NYAP2: variants seen among roughly 807,000 people sequenced by gnomAD.
NYAP2 encodes the protein neuronal tyrosine-phosphorylated phosphoinositide-3-kinase adaptor 2.
NYAP2 carries 23 observed loss-of-function variants against 50.4 expected under a neutral mutation model. The ratio of observed to expected loss-of-function variants is 0.46; its 90% CI spans 0.33 to 0.65. The LOEUF (loss-of-function observed/expected upper bound fraction) is 0.65, where lower values mean the gene tolerates loss of function less well. NYAP2 is among the 30% of genes least tolerant of loss of function. NYAP2 has a pLI of 0.02. For missense variants in NYAP2, 885 were observed against 861.0 expected (o/e 1.03, Z -0.35); for synonymous variants, 394 against 365.2 (o/e 1.08, Z -0.90).
At chr2:225,607,162 A>G (rs1440206162) in intron 5 of NYAP2, among the ~76,000 whole-genome samples, 1 of 151,964 alleles carries the variant, frequency 6.6e-6, no homozygotes, top group Admixed American at 6.6e-5. Context: ...CCTTTCATTT[A>G]TTTTTTCCCC....
At chr2:225,628,154 C>T (rs1244777006) in intron 6 of NYAP2, among the ~76,000 whole-genome samples, 1 of 152,042 alleles carries the variant, frequency 6.6e-6, no homozygotes, top group Non-Finnish European at 1.5e-5. Context: ...AGAGCCATAG[C>T]ACATATGTGG....
At chr2:225,495,149 T>G (rs1184240317) in intron 3 of NYAP2, among the ~76,000 whole-genome samples, 5 of 152,188 alleles carry the variant, frequency 3.3e-5, no homozygotes, top group African/African-American at 1.2e-4. Flanking sequence ...CTCAGAACCA[T>G]GTTGAGACCT....
At chr2:225,531,524 G>T (rs542729602) in intron 4 of NYAP2, among the ~76,000 whole-genome samples, 2 of 152,048 alleles carry the variant, frequency 1.3e-5, no homozygotes, top group African/African-American at 4.8e-5. Flanking sequence ...TCCTTTTGTC[G>T]TTGTACCTTT....
intron 3 of NYAP2, among the ~76,000 whole-genome samples, chr2:225,474,921 A>T (rs1244231279): frequency 6.6e-6 from 1 of 152,156 alleles, no homozygotes; most frequent in Non-Finnish European, 1.5e-5. Context: ...CTGTTACAGA[A>T]GTTTGTTATT....
intron 3 of NYAP2, among the ~76,000 whole-genome samples, chr2:225,489,573 T>C (rs1690368571): frequency 6.6e-6 from 1 of 152,198 alleles, no homozygotes; most frequent in Non-Finnish European, 1.5e-5. Context: ...TTTCCTTTCT[T>C]ACTAAAAGTC....
chr2:225,407,146 A>G (rs1694955103), intron 2 of NYAP2, among the ~76,000 whole-genome samples: 1 of 152,032 alleles, frequency 6.6e-6, no homozygotes, highest in Non-Finnish European at 1.5e-5. Context: ...AGTCCTTGGT[A>G]GAAGTGAATT....
At chr2:225,477,080 A>G (rs1690126009) in intron 3 of NYAP2, among the ~76,000 whole-genome samples, 1 of 152,172 alleles carries the variant, frequency 6.6e-6, no homozygotes, top group African/African-American at 2.4e-5. Context: ...TACACATCAT[A>G]TCCAGCACTT....
chr2:225,523,939 A>G (rs1204194972), intron 4 of NYAP2, among the ~76,000 whole-genome samples: 1 of 152,228 alleles, frequency 6.6e-6, no homozygotes, highest in Non-Finnish European at 1.5e-5. Context: ...CAAAGTTAAC[A>G]AAAATGTACA....
chr2:225,447,053 G>A (rs528286675), intron 3 of NYAP2, among the ~76,000 whole-genome samples: 3 of 151,790 alleles, frequency 2.0e-5, no homozygotes, highest in African/African-American at 7.3e-5. Context: ...ATGAGTGGGG[G>A]GAGCAAGATT....
intron 5 of NYAP2, among the ~76,000 whole-genome samples, chr2:225,619,375 G>A (rs924739092): frequency 2.2e-4 from 34 of 152,256 alleles, no homozygotes; most frequent in Non-Finnish European, 3.8e-4. Context: ...CCACCCAGGC[G>A]GTCATATGCA....
chr2:225,652,334 G>A (rs1693746661), exon 7 of NYAP2: 1 of 152,200 alleles, frequency 6.6e-6, no homozygotes. Context: ...GAAAGGGAAT[G>A]TAAGTGTTCA....
intron 4 of NYAP2, among the ~76,000 whole-genome samples, chr2:225,531,028 C>G (rs1035713280): frequency 6.6e-6 from 1 of 152,210 alleles, no homozygotes; most frequent in African/African-American, 2.4e-5. Context: ...AATCCATCAT[C>G]CCTATTACTT....
chr2:225,488,950 C>G (rs868827038), intron 3 of NYAP2, among the ~76,000 whole-genome samples: 15 of 152,224 alleles, frequency 9.9e-5, no homozygotes, highest in African/African-American at 3.6e-4. Flanking sequence ...AAGTGTGCCA[C>G]CCAGGTAAGG....
chr2:225,417,541 A>T (rs1695146318), intron 3 of NYAP2, among the ~76,000 whole-genome samples: 1 of 152,210 alleles, frequency 6.6e-6, no homozygotes, highest in South Asian at 2.1e-4. Flanking sequence ...TTAAAAAAAT[A>T]GAGAAAAGCA....
chr2:225,616,451 G>T (rs985534196), intron 5 of NYAP2, among the ~76,000 whole-genome samples: 1 of 152,190 alleles, frequency 6.6e-6, no homozygotes, highest in Non-Finnish European at 1.5e-5. Context: ...GCCTGGGCTT[G>T]TAGGTAAACT....
intron 5 of NYAP2, among the ~76,000 whole-genome samples, chr2:225,617,093 G>A (rs1179273459): frequency 6.6e-6 from 1 of 152,174 alleles, no homozygotes; most frequent in Non-Finnish European, 1.5e-5. Context: ...GGCACAATCA[G>A]AGCCCATATT....
chr2:225,583,333 G>C (rs186369147), intron 5 of NYAP2, among the ~76,000 whole-genome samples: 6 of 152,172 alleles, frequency 3.9e-5, no homozygotes, highest in Non-Finnish European at 8.8e-5. Flanking sequence ...AAGTTGAACA[G>C]TGAAAATAGG....
chr2:225,691,699 C>T, the NYAP2 span, among the ~76,000 whole-genome samples: 1 of 152,100 alleles, frequency 6.6e-6, no homozygotes, highest in South Asian at 2.1e-4. Context: ...GCAGGTGACT[C>T]GCGGCCTCCC....
At chr2:225,476,389 G>C (rs1444208711) in intron 3 of NYAP2, among the ~76,000 whole-genome samples, 2 of 151,260 alleles carry the variant, frequency 1.3e-5, no homozygotes, top group Non-Finnish European at 2.9e-5. Flanking sequence ...CTCCAGCCTG[G>C]GTGACAGAGC....
Sources: allele counts gnomAD v4.1 joint callset (sites outside exome capture counted in the v4.1 genomes callset), GRCh38; gene constraint gnomAD v4.1.1; transcripts MANE v1.5; gene names NCBI Gene and HGNC (gene_info 2026-07-23, HGNC 2026-07-21).